AGBL1: variants seen among roughly 807,000 people sequenced by gnomAD.
AGBL1 encodes AGBL carboxypeptidase 1.
In AGBL1, 130 loss-of-function variants were observed where a neutral mutation model predicts 118.9. That is an observed-to-expected ratio of 1.09 (90% CI 0.95 to 1.26). AGBL1 has a LOEUF of 1.26. Ranked by LOEUF, AGBL1 falls within the 50% of genes most tolerant of loss-of-function variation. The pLI, the probability that AGBL1 is intolerant of heterozygous loss-of-function variation, is 0.00. For synonymous variants in AGBL1, 555 were observed against 478.9 expected, an observed-to-expected ratio of 1.16 and a Z score of -2.08; for missense variants, 1,584 against 1,298.1, an observed-to-expected ratio of 1.22 and a Z score of -3.38.
At chr15:86,183,121 G>A (rs1163743378) in intron 5 of AGBL1, among the ~76,000 whole-genome samples, 1 of 152,046 alleles carries the variant, frequency 6.6e-6, no homozygotes, top group Non-Finnish European at 1.5e-5. Flanking sequence ...CTGGGATAGG[G>A]GATTTCTCCA....
chr15:86,952,044 G>A (rs1257055069), intron 23 of AGBL1, among the ~76,000 whole-genome samples: 1 of 151,908 alleles, frequency 6.6e-6, no homozygotes, highest in Non-Finnish European at 1.5e-5. Flanking sequence ...CAGCCTGGTC[G>A]ACATGGTGAA....
chr15:86,761,867 G>T (rs1255833979), intron 22 of AGBL1, among the ~76,000 whole-genome samples: 3 of 151,940 alleles, frequency 2.0e-5, no homozygotes, highest in African/African-American at 7.2e-5. Flanking sequence ...TTTTGCTTTT[G>T]TTGCAATTGG....
chr15:86,584,788 A>G (rs1437760761), intron 21 of AGBL1, among the ~76,000 whole-genome samples: 1 of 152,202 alleles, frequency 6.6e-6, no homozygotes, highest in Non-Finnish European at 1.5e-5. Flanking sequence ...GGTCATTTTA[A>G]CAATATTGAT....
At chr15:86,233,069 G>A (rs958217494) in intron 6 of AGBL1, among the ~76,000 whole-genome samples, 2 of 152,196 alleles carry the variant, frequency 1.3e-5, no homozygotes, top group Non-Finnish European at 2.9e-5. Flanking sequence ...GTAATCAGGA[G>A]AGGTTAGTGA....
intron 22 of AGBL1, among the ~76,000 whole-genome samples, chr15:86,703,365 C>G (rs1321077593): frequency 6.6e-6 from 1 of 152,088 alleles, no homozygotes; most frequent in African/African-American, 2.4e-5. Context: ...AACTCTGGCT[C>G]TTTTTGTAAG....
chr15:86,757,837 C>G (rs1172290702), intron 22 of AGBL1, among the ~76,000 whole-genome samples: 3 of 152,026 alleles, frequency 2.0e-5, no homozygotes, highest in Non-Finnish European at 2.9e-5. Flanking sequence ...GCTCTTTATT[C>G]TTTAACCATA....
intron 21 of AGBL1, among the ~76,000 whole-genome samples, chr15:86,667,272 GTCTA>G (rs2085664298): frequency 3.4e-5 from 5 of 147,864 alleles, no homozygotes; most frequent in Non-Finnish European, 7.5e-5. Flanking sequence ...CTATCTATCT[GTCTA>G]TCTTTGCTGT....
chr15:86,422,681 AATAG>A (rs1397482182), intron 18 of AGBL1, among the ~76,000 whole-genome samples: 1 of 152,180 alleles, frequency 6.6e-6, no homozygotes, highest in Admixed American at 6.5e-5. Context: ...AGATTAACAA[AATAG>A]ATAGACCACT....
At chr15:87,006,244 C>T (rs1245382704) in intron 24 of AGBL1, among the ~76,000 whole-genome samples, 1 of 152,184 alleles carries the variant, frequency 6.6e-6, no homozygotes, top group Non-Finnish European at 1.5e-5. Context: ...TTTAAATCTG[C>T]AGAGGTTTCT....
chr15:86,151,891 C>G (rs1454447820), intron 3 of AGBL1, among the ~76,000 whole-genome samples: 2 of 152,080 alleles, frequency 1.3e-5, no homozygotes, highest in South Asian at 2.1e-4. Context: ...AACAGAGAGC[C>G]AAATCATGAG....
intron 17 of AGBL1, among the ~76,000 whole-genome samples, chr15:86,364,998 CAT>C (rs71468173): frequency 1.6e-5 from 2 of 121,218 alleles, no homozygotes; most frequent in East Asian, 2.2e-4. Flanking sequence ...TACACACACA[CAT>C]ATATATATAC....
At chr15:86,598,609 A>T (rs1455872316) in intron 21 of AGBL1, among the ~76,000 whole-genome samples, 1 of 152,076 alleles carries the variant, frequency 6.6e-6, no homozygotes, top group Non-Finnish European at 1.5e-5. Context: ...GTCCTTAATG[A>T]CTTCTGCCAG....
At chr15:86,500,902 A>T (rs1484145773) in intron 18 of AGBL1, among the ~76,000 whole-genome samples, 1 of 151,692 alleles carries the variant, frequency 6.6e-6, no homozygotes, top group African/African-American at 2.4e-5. Context: ...TCATCAGTTG[A>T]TGGACATTTG....
At chr15:86,785,070 G>T (rs948446497) in intron 22 of AGBL1, among the ~76,000 whole-genome samples, 4 of 152,170 alleles carry the variant, frequency 2.6e-5, no homozygotes, top group Non-Finnish European at 5.9e-5. Flanking sequence ...GAATGCAAAT[G>T]AATTGGTGTT....
chr15:86,322,943 TG>T (rs2080126810), intron 17 of AGBL1, among the ~76,000 whole-genome samples: 1 of 152,212 alleles, frequency 6.6e-6, no homozygotes, highest in African/African-American at 2.4e-5. Context: ...ACCAGCTTTT[TG>T]CAGTGGTCTA....
intron 5 of AGBL1, among the ~76,000 whole-genome samples, chr15:86,196,320 A>G (rs1039191303): frequency 6.6e-6 from 1 of 152,176 alleles, no homozygotes; most frequent in Non-Finnish European, 1.5e-5. Context: ...CGCCTCTGCC[A>G]TACTCAGTGT....
At chr15:86,637,422 G>A (rs957301059) in intron 21 of AGBL1, among the ~76,000 whole-genome samples, 7 of 152,172 alleles carry the variant, frequency 4.6e-5, no homozygotes, top group African/African-American at 1.7e-4. Context: ...TGATGAGCTT[G>A]AAGAACAGAT....
chr15:86,696,968 C>A (rs1279805687), intron 22 of AGBL1, among the ~76,000 whole-genome samples: 1 of 151,884 alleles, frequency 6.6e-6, no homozygotes, highest in Non-Finnish European at 1.5e-5. Flanking sequence ...AAGAAATTTG[C>A]TGTTAATAAG....
chr15:86,605,952 C>T (rs1192881535), intron 21 of AGBL1, among the ~76,000 whole-genome samples: 4 of 151,794 alleles, frequency 2.6e-5, no homozygotes, highest in African/African-American at 9.7e-5. Context: ...CATGGTAAAA[C>T]CCTGTCTCTA....
Sources: gnomAD v4.1 joint callset for allele counts (sites outside exome capture counted in the v4.1 genomes callset) on GRCh38, gnomAD v4.1.1 for gene constraint, MANE v1.5 for transcripts, NCBI Gene and HGNC (gene_info 2026-07-23, HGNC 2026-07-21) for gene names.